Variants in NEU3 observed in about 807,000 individuals in gnomAD.
The protein encoded by NEU3 is sialidase-3.
Under a neutral mutation model 11.4 loss-of-function variants are expected in NEU3, and 10 were observed. The ratio of observed to expected loss-of-function variants is 0.88; its 90% CI spans 0.54 to 1.49. The LOEUF (loss-of-function observed/expected upper bound fraction) is 1.49. NEU3 is among the 40% of genes most tolerant of loss of function. NEU3 has a pLI of 0.00. For missense variants in NEU3, 529 were observed against 581.8 expected, an observed-to-expected ratio of 0.91 and a Z score of 0.93; for synonymous variants, 212 against 228.2, an observed-to-expected ratio of 0.93 and a Z score of 0.64.
chr11:74,986,544 A>G (rs943961533), upstream of NEU3, among the ~76,000 whole-genome samples: 92 of 152,328 alleles, frequency 6.0e-4, no homozygotes, highest in African/African-American at 2.2e-3. Flanking sequence ...AACTTTTTCT[A>G]AAACTGTATT....
In NEU3 at chr11:75,006,445, G is replaced by A. The variant is rs779436662; in HGVS notation, c.1339G>A (p.Asp447Asn). Residue 447 changes from aspartate (D) to asparagine (N), a missense_variant, in exon 3 of 3, where the codon GAC becomes AAC. Coordinates refer to ENST00000294064, the MANE Select transcript of NEU3 (RefSeq NM_006656.6). ...GGAGATCCTGAGTCACCTGCAGGGG[G>A]ACTGCACCAGCCCTGGTAGGAACCC... ...HREILSHLQG[D>N]CTSPGRNPSQ... 11 of 1,613,734 alleles carry A rather than the reference G, an allele frequency of 6.8e-6. No individual in the cohort carries two copies. The highest frequency in any genetic ancestry group is 2.7e-5 in the African/African-American group (2 of 74,892).
intron 2 of NEU3, among the ~76,000 whole-genome samples, chr11:74,996,598 T>C (rs962367022): frequency 1.3e-5 from 2 of 152,218 alleles, no homozygotes; most frequent in Non-Finnish European, 2.9e-5. Flanking sequence ...TCAATGTCTC[T>C]TAATGTTAAT....
At chr11:75,016,922 C>T (rs1948983335) in intron 3 of NEU3, among the ~76,000 whole-genome samples, 1 of 152,196 alleles carries the variant, frequency 6.6e-6, no homozygotes, top group African/African-American at 2.4e-5. Flanking sequence ...GGTCTGAACA[C>T]TCTAGCCTGG....
chr11:74,988,776 C>T, upstream of NEU3: 1 of 478,528 alleles, frequency 2.1e-6, no homozygotes, highest in Non-Finnish European at 3.7e-6. Flanking sequence ...GGTGCCGGTC[C>T]CACGCCGTGG....
chr11:74,985,690 G>A (rs761881123), upstream of NEU3, among the ~76,000 whole-genome samples: 6 of 152,200 alleles, frequency 3.9e-5, no homozygotes, highest in Non-Finnish European at 7.3e-5. Flanking sequence ...CACTGGCAGA[G>A]TCTGGAGGAA....
At chr11:74,980,987 G>GA in the NEU3 span, among the ~76,000 whole-genome samples, 1 of 152,238 alleles carries the variant, frequency 6.6e-6, no homozygotes, top group Non-Finnish European at 1.5e-5. Flanking sequence ...GAAACCAGGT[G>GA]AATTGTTAGA....
intron 2 of NEU3, chr11:75,004,364 A>G (rs1948877060): frequency 1.6e-6 from 1 of 637,786 alleles, no homozygotes; most frequent in Non-Finnish European, 2.8e-6. Flanking sequence ...AAGCTATTCT[A>G]AAGTGCTGGG....
chr11:74,987,886 CTTTTTTTTTTTCTTTTTT>C (rs1222362964), upstream of NEU3, among the ~76,000 whole-genome samples: 1 of 83,258 alleles, frequency 1.2e-5, no homozygotes, highest in African/African-American at 5.6e-5. Context: ...GGTTCTAGGC[CTTTTTTTTTTTCTTTTTT>C]TTTTTTTTTT....
At chr11:74,984,239 T>A (rs1948654196), upstream of NEU3, among the ~76,000 whole-genome samples, 1 of 152,208 alleles carries the variant, frequency 6.6e-6, no homozygotes, top group South Asian at 2.1e-4. Flanking sequence ...TCCAGACTAT[T>A]TGTCCAGGAA....
chr11:74,984,527 T>TA (rs962328660), upstream of NEU3, among the ~76,000 whole-genome samples: 4 of 152,164 alleles, frequency 2.6e-5, no homozygotes, highest in African/African-American at 9.7e-5. Context: ...GCAGGTAAGA[T>TA]AAAAATCTCA....
At chr11:74,982,201 C>T in the NEU3 span, among the ~76,000 whole-genome samples, 1 of 152,126 alleles carries the variant, frequency 6.6e-6, no homozygotes, top group African/African-American at 2.4e-5. Flanking sequence ...AATACATGGC[C>T]TTGCTGACTG....
chr11:75,004,448 C>G (rs1369352378), intron 2 of NEU3: 3 of 463,130 alleles, frequency 6.5e-6, no homozygotes, highest in Non-Finnish European at 1.1e-5. Context: ...ATGAGTGAAG[C>G]TGAACTTTTT....
chr11:74,993,498 C>T (rs144934147), intron 1 of NEU3, among the ~76,000 whole-genome samples: 101 of 152,172 alleles, frequency 6.6e-4, no homozygotes, highest in African/African-American at 2.3e-3. Context: ...GCCACCACGC[C>T]CGGCCTGGTT....
At chr11:74,988,786 G>A, upstream of NEU3, 2 of 498,780 alleles carry the variant, frequency 4.0e-6, no homozygotes, top group Non-Finnish European at 7.1e-6. Context: ...CCACGCCGTG[G>A]TGGGGACCGA....
the NEU3 span, among the ~76,000 whole-genome samples, chr11:74,982,737 G>A: frequency 2.0e-5 from 3 of 152,118 alleles, no homozygotes; most frequent in African/African-American, 7.2e-5. Flanking sequence ...ATAGCATGCA[G>A]GAGAGCAGCG....
chr11:75,012,217 T>G (rs1265277190), downstream of NEU3, among the ~76,000 whole-genome samples: 1 of 152,194 alleles, frequency 6.6e-6, no homozygotes, highest in African/African-American at 2.4e-5. Flanking sequence ...AAATAGTTCC[T>G]CACCATTTTC....
At chr11:74,981,987 C>G in the NEU3 span, among the ~76,000 whole-genome samples, 1 of 152,240 alleles carries the variant, frequency 6.6e-6, no homozygotes, top group East Asian at 1.9e-4. Flanking sequence ...GGTTGTTGCT[C>G]AGTCTCTAGG....
intron 2 of NEU3, 51 bp from the exon 3 acceptor site, chr11:75,005,362 A>T: frequency 6.8e-7 from 1 of 1,470,498 alleles, no homozygotes; most frequent in Non-Finnish European, 9.0e-7. Flanking sequence ...AATGAGCTTC[A>T]TGTTTTCCTA....
At chr11:74,988,901 G>C (rs1419848423), upstream of NEU3, 4 of 639,898 alleles carry the variant, frequency 6.3e-6, no homozygotes, top group African/African-American at 7.7e-5. Context: ...GCCTGCGCCC[G>C]CCTCTTTTCG....
Sources: gnomAD v4.1 joint callset for allele counts (sites outside exome capture counted in the v4.1 genomes callset) on GRCh38, gnomAD v4.1.1 for gene constraint, MANE v1.5 for transcripts, NCBI Gene and HGNC (gene_info 2026-07-23, HGNC 2026-07-21) for gene names.